The following TEX11 variants were observed in gnomAD, a reference collection of about 807,000 sequenced individuals.
TEX11 encodes testis-expressed protein 11.
Under a neutral mutation model 84.4 loss-of-function variants are expected in TEX11, and 7 were observed. That is an observed-to-expected ratio of 0.08 (90% CI 0.05 to 0.16). The LOEUF is 0.16. Ranked by LOEUF, TEX11 falls within the 10% of genes least tolerant of loss-of-function variation. The pLI, the probability that TEX11 is intolerant of heterozygous loss-of-function variation, is 1.00. For synonymous variants in TEX11, 264 were observed against 222.8 expected, an observed-to-expected ratio of 1.18 and a Z score of -1.64; for missense variants, 551 against 660.5, an observed-to-expected ratio of 0.83 and a Z score of 1.82.
intron 7 of TEX11, among the ~76,000 whole-genome samples, chrX:70,840,917 C>A (rs1167967350): frequency 9.0e-6 from 1 of 111,041 alleles, no homozygotes; most frequent in African/African-American, 3.3e-5. Context: ...ATCAATTCAA[C>A]AAGAAGAACT....
chrX:70,641,554 T>C (rs2089658626), intron 17 of TEX11, among the ~76,000 whole-genome samples: 1 of 111,022 alleles, frequency 9.0e-6, no homozygotes, highest in Admixed American at 9.6e-5. Context: ...AGAACACAAA[T>C]TATAACAAAC....
chrX:70,894,931 G>T lies in TEX11; in HGVS notation c.37+12822C>A, dbSNP rs373274798. 3.5e-4 allele frequency among the ~76,000 whole-genome samples: 39 copies of T among 111,651 alleles called. 1 individual carries two copies. Among genetic ancestry groups the T allele is most frequent in the East Asian group, 2.5e-3 (9 of 3,570 alleles). The stretch of plus-strand genomic sequence containing the variant: ...GACAACCCACAGTCAATATCATACT[G>T]AATGGGTAAAAGCTGGAAGCATTCC... On this transcript the variant is annotated intron_variant, in intron 2 of 29. Coordinates refer to ENST00000374333, the MANE Select transcript of TEX11 (RefSeq NM_031276.3).
Position 70,678,108 on chromosome X carries a change from G to A in TEX11, c.1242+696C>T, listed in dbSNP as rs1024970083. Reference sequence around the variant, plus strand: ...ATTACAGGCGTGAGCCACCACGCCCGGCCAATGCTCGCTTTATTTCTTATC... The same window carrying A: ...ATTACAGGCGTGAGCCACCACGCCCAGCCAATGCTCGCTTTATTTCTTATC... On this transcript the variant is annotated intron_variant, in intron 15 of 29. Transcript: ENST00000374333. Among the ~76,000 whole-genome samples the A allele has an allele frequency of 1.4e-3, 153 of 110,954 alleles. 1 individual carries two copies. The highest frequency in any genetic ancestry group is 4.9e-3 in the African/African-American group (149 of 30,572).
intron 13 of TEX11, among the ~76,000 whole-genome samples, chrX:70,716,864 G>C (rs1048499695): frequency 8.9e-6 from 1 of 112,304 alleles, no homozygotes; most frequent in Admixed American, 9.4e-5. Context: ...TTCGTCTTCT[G>C]CGTCGCTCAC....
intron 9 of TEX11, among the ~76,000 whole-genome samples, chrX:70,760,729 C>T (rs892520617): frequency 5.4e-5 from 6 of 111,873 alleles, no homozygotes; most frequent in Non-Finnish European, 1.1e-4. Flanking sequence ...ACACCAAAAG[C>T]AATGGCAACA....
intron 8 of TEX11, among the ~76,000 whole-genome samples, chrX:70,824,393 T>A (rs939056214): frequency 1.8e-5 from 2 of 112,102 alleles, no homozygotes; most frequent in African/African-American, 3.2e-5. Flanking sequence ...TCTTCCATTC[T>A]CTTGTGCTCA....
chrX:70,773,406 A>T (rs906018705), intron 9 of TEX11, among the ~76,000 whole-genome samples: 3 of 111,445 alleles, frequency 2.7e-5, no homozygotes, highest in African/African-American at 9.8e-5. Flanking sequence ...AAGAAAAAAA[A>T]CTGCCTAGAA....
At chrX:70,865,300 G>C (rs953111070) in intron 4 of TEX11, among the ~76,000 whole-genome samples, 1 of 111,436 alleles carries the variant, frequency 9.0e-6, no homozygotes, top group Non-Finnish European at 1.9e-5. Context: ...ACAAAGAAGG[G>C]CATTACATAA....
intron 14 of TEX11, among the ~76,000 whole-genome samples, chrX:70,680,575 C>T (rs1322942250): frequency 1.2e-4 from 3 of 25,303 alleles, no homozygotes; most frequent in Non-Finnish European, 3.8e-4. Context: ...CAAGAATGAT[C>T]AATTAAAAAA....
At chrX:70,749,807 T>C (rs753448148) in intron 9 of TEX11, among the ~76,000 whole-genome samples, 2 of 109,398 alleles carry the variant, frequency 1.8e-5, no homozygotes, top group East Asian at 2.9e-4. Flanking sequence ...TTTGATGTGC[T>C]GCTGGATTTG....
intron 16 of TEX11, among the ~76,000 whole-genome samples, chrX:70,659,006 T>C (rs749302401): frequency 1.2e-4 from 14 of 112,123 alleles, no homozygotes; most frequent in Non-Finnish European, 2.4e-4. Context: ...GATATCCACA[T>C]GCAAAAGAAA....
chrX:70,638,393 A>C (rs1329780066), intron 17 of TEX11, among the ~76,000 whole-genome samples: 1 of 112,105 alleles, frequency 8.9e-6, no homozygotes, highest in Non-Finnish European at 1.9e-5. Context: ...CAGTAAAGCT[A>C]TCCTTCAGAA....
the TEX11 span, among the ~76,000 whole-genome samples, chrX:70,516,606 T>TTG: frequency 8.9e-6 from 1 of 111,823 alleles, no homozygotes; most frequent in Admixed American, 9.5e-5. Context: ...CAATGCGGGC[T>TTG]CTTTTTTGGT....
At chrX:70,743,052 CT>C (rs1178332569) in intron 10 of TEX11, among the ~76,000 whole-genome samples, 1 of 111,073 alleles carries the variant, frequency 9.0e-6, no homozygotes, top group Admixed American at 9.6e-5. Context: ...CAATTCTCCC[CT>C]CTCCCTACCC....
At chrX:70,540,729 G>A (rs1490592642) in intron 28 of TEX11, among the ~76,000 whole-genome samples, 1 of 111,547 alleles carries the variant, frequency 9.0e-6, no homozygotes, top group East Asian at 2.8e-4. Flanking sequence ...TCCAAGCTAA[G>A]GTCAATCTTG....
the TEX11 span, among the ~76,000 whole-genome samples, chrX:70,521,021 G>T: frequency 8.9e-6 from 1 of 111,736 alleles, no homozygotes; most frequent in Non-Finnish European, 1.9e-5. Context: ...GGAGTGTCCC[G>T]ATTTTCCAGT....
At chrX:70,820,650 C>T (rs567777274) in intron 8 of TEX11, among the ~76,000 whole-genome samples, 11 of 110,717 alleles carry the variant, frequency 9.9e-5, no homozygotes, top group Non-Finnish European at 1.5e-4. Flanking sequence ...ATGGCAAGAA[C>T]GGGAGCAAGA....
chrX:70,808,070 C>T (rs1180978818), intron 8 of TEX11, among the ~76,000 whole-genome samples: 1 of 81,983 alleles, frequency 1.2e-5, no homozygotes, highest in Non-Finnish European at 2.2e-5. Flanking sequence ...TGCCACTGCA[C>T]TCACTCCAGC....
chrX:70,680,593 AAAAG>A (rs1262984957), intron 14 of TEX11, among the ~76,000 whole-genome samples: 1 of 109,576 alleles, frequency 9.1e-6, no homozygotes, highest in Non-Finnish European at 1.9e-5. Context: ...AAAAAAAAAA[AAAAG>A]AATCTCGGTC....
Sources: gnomAD v4.1 joint callset for allele counts (sites outside exome capture counted in the v4.1 genomes callset) on GRCh38, gnomAD v4.1.1 for gene constraint, MANE v1.5 for transcripts, NCBI Gene and HGNC (gene_info 2026-07-23, HGNC 2026-07-21) for gene names.